LTBP2: variants seen among roughly 807,000 people sequenced by gnomAD.
The protein encoded by LTBP2 is latent-transforming growth factor beta-binding protein 2.
A neutral mutation model predicts 210.6 loss-of-function variants in LTBP2; 103 were observed. The ratio of observed to expected loss-of-function variants is 0.49; its 90% CI spans 0.42 to 0.58. LTBP2 has a LOEUF of 0.58. LTBP2 is among the 20% of genes least tolerant of loss of function. The pLI is 0.00. For missense variants in LTBP2, 2,313 were observed against 2,494.5 expected (o/e 0.93, Z 1.55); for synonymous variants, 1,007 against 1,015.0 (o/e 0.99, Z 0.15).
Position 74,611,646 on chromosome 14 carries a change from T to C in LTBP2, c.299A>G (p.Glu100Gly). ...PGWGSPRRPT[E>G]AEARRPSRAQ... Reference sequence around the variant, plus strand: ...GCGGGACGGCCTCCTGGCCTCCGCCTCGGTGGGCCTCCTGGGGCTCCCCCA... The same window carrying C: ...GCGGGACGGCCTCCTGGCCTCCGCCCCGGTGGGCCTCCTGGGGCTCCCCCA... Residue 100 changes from glutamate (E) to glycine (G), a missense_variant, in exon 1 of 36, where the codon GAG becomes GGG. Physicochemically the swap from Glu to Gly is moderately conservative, Grantham distance 98. Coordinates refer to ENST00000261978, the MANE Select transcript of LTBP2 (RefSeq NM_000428.3). 1.3e-6 allele frequency: 2 copies of C among 1,557,210 alleles called. No individual in the cohort carries two copies. Among genetic ancestry groups the C allele is most frequent in the Non-Finnish European group, 1.7e-6 (2 of 1,157,164 alleles).
At chr14:74,524,048 G>C (rs2087241008) in intron 15 of LTBP2, among the ~76,000 whole-genome samples, 1 of 152,060 alleles carries the variant, frequency 6.6e-6, no homozygotes, top group Non-Finnish European at 1.5e-5. Context: ...AGAGGAGAAG[G>C]GGGATAGGGC....
intron 3 of LTBP2, among the ~76,000 whole-genome samples, chr14:74,567,328 C>T (rs985232970): frequency 1.2e-4 from 19 of 152,214 alleles, no homozygotes; most frequent in Non-Finnish European, 1.3e-4. Context: ...CTTTAGGCTG[C>T]CGGGCTGCCA....
intron 8 of LTBP2, among the ~76,000 whole-genome samples, chr14:74,540,823 T>TGTA (rs1222994895): frequency 6.2e-3 from 50 of 8,006 alleles, no homozygotes; most frequent in African/African-American, 7.5e-3. Context: ...TATATATATT[T>TGTA]TTATATAATA....
chr14:74,507,365 G>A, intron 25 of LTBP2, 55 bp from the exon 26 acceptor site: 1 of 1,610,118 alleles, frequency 6.2e-7, no homozygotes, highest in Non-Finnish European at 8.5e-7. Flanking sequence ...TCACTGCTGT[G>A]GTCCCACAGG....
intron 3 of LTBP2, among the ~76,000 whole-genome samples, chr14:74,567,589 C>G (rs1566642712): frequency 6.6e-6 from 1 of 152,146 alleles, no homozygotes; most frequent in South Asian, 2.1e-4. Context: ...GGAAAAAGAG[C>G]CCCTCTAAGT....
At chr14:74,536,514 A>G (rs2087423962) in intron 8 of LTBP2, among the ~76,000 whole-genome samples, 1 of 152,228 alleles carries the variant, frequency 6.6e-6, no homozygotes, top group African/African-American at 2.4e-5. Context: ...ACATGGGTGC[A>G]ATTTAGCCAC....
intron 17 of LTBP2, among the ~76,000 whole-genome samples, chr14:74,519,971 C>T (rs559448585): frequency 1.1e-4 from 17 of 152,302 alleles, no homozygotes; most frequent in Non-Finnish European, 2.4e-4. Context: ...CTTAAGTCAG[C>T]TCCCCGGAAG....
rs2086905879 is a variant in LTBP2 at position 74,501,181 on chromosome 14, C to T, written c.5321-152G>A. 3.7e-6 allele frequency: 4 copies of T among 1,089,330 alleles called. No homozygotes were observed. In the East Asian group the frequency reaches 7.7e-5, roughly 21 times the overall value. The allele number at this position is 1,089,330 out of a possible 1,614,324, so 67.5% of individuals were successfully genotyped here. A position where few individuals can be genotyped will look rare whatever the true frequency, so the allele number is the denominator to read the frequency against. ...GAAGTCACTTCCCAAAACCAAGCAA[C>T]TCAAGGACAAAGCAGGGGGCAGCAA... is the stretch of plus-strand genomic sequence containing the variant. On this transcript the variant is annotated intron_variant, in intron 35 of 35. Transcript: ENST00000261978.
At chr14:74,503,811 C>T (rs910911395) in intron 31 of LTBP2, 115 bp downstream of exon 31, 18 of 1,477,094 alleles carry the variant, frequency 1.2e-5, no homozygotes, top group Admixed American at 3.8e-5. Context: ...CTGCAGTGGG[C>T]GGCCTCCCTA....
chr14:74,544,394 G>GTT (rs2087552266), intron 8 of LTBP2, among the ~76,000 whole-genome samples: 1 of 152,220 alleles, frequency 6.6e-6, no homozygotes, highest in Non-Finnish European at 1.5e-5. Context: ...TCTGTAAAAT[G>GTT]GGGATAATAG....
intron 4 of LTBP2, among the ~76,000 whole-genome samples, chr14:74,554,009 G>C (rs1357188680): frequency 6.7e-6 from 1 of 150,282 alleles, no homozygotes; most frequent in Non-Finnish European, 1.5e-5. Context: ...AGGGGAAAGG[G>C]CTGAGAGGGT....
intron 3 of LTBP2, among the ~76,000 whole-genome samples, chr14:74,570,918 C>T (rs1244815410): frequency 6.6e-6 from 1 of 152,114 alleles, no homozygotes; most frequent in African/African-American, 2.4e-5. Flanking sequence ...ATGACCGCTG[C>T]TGCATTTCTG....
intron 2 of LTBP2, among the ~76,000 whole-genome samples, chr14:74,587,642 G>C (rs1475379197): frequency 6.6e-6 from 1 of 151,988 alleles, no homozygotes; most frequent in Non-Finnish European, 1.5e-5. Flanking sequence ...GTGTAGGCAA[G>C]GTCAGTGAGG....
At chr14:74,524,152 T>C (rs1323403977) in intron 15 of LTBP2, among the ~76,000 whole-genome samples, 1 of 152,038 alleles carries the variant, frequency 6.6e-6, no homozygotes, top group Non-Finnish European at 1.5e-5. Context: ...TGCCCCCTGC[T>C]TCCCATCCCT....
intron 2 of LTBP2, among the ~76,000 whole-genome samples, chr14:74,592,589 T>C (rs2088297599): frequency 1.3e-5 from 2 of 152,198 alleles, no homozygotes; most frequent in South Asian, 4.1e-4. Context: ...TCTTAGCTAC[T>C]TGTGAGGCTG....
At chr14:74,587,186 A>G (rs1380854438) in intron 2 of LTBP2, among the ~76,000 whole-genome samples, 1 of 152,136 alleles carries the variant, frequency 6.6e-6, no homozygotes, top group Non-Finnish European at 1.5e-5. Context: ...GAGCCCCGGA[A>G]GCATGGTCTG....
chr14:74,546,611 G>T (rs2087579734), intron 8 of LTBP2, among the ~76,000 whole-genome samples: 1 of 152,242 alleles, frequency 6.6e-6, no homozygotes, highest in African/African-American at 2.4e-5. Context: ...AACACAGTAG[G>T]GGAGGCCACC....
intron 2 of LTBP2, among the ~76,000 whole-genome samples, chr14:74,596,262 TAAAAATTA>T (rs1485443286): frequency 2.7e-5 from 4 of 147,620 alleles, no homozygotes; most frequent in African/African-American, 7.8e-5. Flanking sequence ...AATAAATAAA[TAAAAATTA>T]AAAACAAAGA....
intron 9 of LTBP2, among the ~76,000 whole-genome samples, chr14:74,534,578 T>A (rs1391040001): frequency 6.6e-6 from 1 of 152,214 alleles, no homozygotes; most frequent in African/African-American, 2.4e-5. Flanking sequence ...ACTCAGGGAC[T>A]GCTGCTTTCT....
Sources: gnomAD v4.1 joint callset for allele counts (sites outside exome capture counted in the v4.1 genomes callset) on GRCh38, gnomAD v4.1.1 for gene constraint, MANE v1.5 for transcripts, NCBI Gene and HGNC (gene_info 2026-07-23, HGNC 2026-07-21) for gene names.